Variants in NT5DC1 observed in about 807,000 individuals in gnomAD.
The protein encoded by NT5DC1 is 5'-nucleotidase domain-containing protein 1.
NT5DC1 carries 42 observed loss-of-function variants against 59.4 expected under a neutral mutation model. The ratio of observed to expected loss-of-function variants is 0.71; its 90% CI spans 0.55 to 0.92. The LOEUF (loss-of-function observed/expected upper bound fraction) is 0.92. Ranked by LOEUF, NT5DC1 falls within the 40% of genes least tolerant of loss-of-function variation. The probability of loss-of-function intolerance (pLI) is 0.00; values close to 1 mark genes in which losing one functional copy is unlikely to be tolerated. For synonymous variants in NT5DC1, 172 were observed against 188.1 expected (o/e 0.91, Z 0.70); for missense variants, 501 against 537.1 (o/e 0.93, Z 0.66).
At chr6:116,220,049 C>T (rs1204794) in intron 6 of NT5DC1, among the ~76,000 whole-genome samples, 47,282 of 146,648 alleles carry the variant, frequency 0.32, 9,270 homozygotes, top group African/African-American at 0.55. Flanking sequence ...AAGTGTTTCA[C>T]ACTGGAGAGA....
intron 6 of NT5DC1, among the ~76,000 whole-genome samples, chr6:116,131,399 T>G (rs1165443519): frequency 1.3e-5 from 2 of 152,210 alleles, no homozygotes; most frequent in Admixed American, 1.3e-4. Context: ...AAAAAATGTA[T>G]TATTCATTTA....
chr6:116,101,105 G>A, intron 1 of NT5DC1, 82 bp downstream of exon 1: 1 of 1,015,858 alleles, frequency 9.8e-7, no homozygotes, highest in South Asian at 1.5e-5. Flanking sequence ...TTTGGGCAAC[G>A]GCGGACGCTG....
At chr6:116,227,936 T>C (rs192350585) in intron 8 of NT5DC1, among the ~76,000 whole-genome samples, 1 of 152,360 alleles carries the variant, frequency 6.6e-6, no homozygotes, top group African/African-American at 2.4e-5. Flanking sequence ...CTGTTTTCTT[T>C]GTGGTTGCGT....
In NT5DC1 at chr6:116,247,186, A is replaced by T. The variant is rs968620907; in HGVS notation, c.*3162A>T. ...ATTCTCAGCCCAAAACCACACTTCAATTTAGCAATAATGTCGTGCTAGGAC... is the reference window on the plus strand; with the variant it reads ...ATTCTCAGCCCAAAACCACACTTCATTTTAGCAATAATGTCGTGCTAGGAC... On this transcript the variant is annotated 3_prime_UTR_variant, in exon 12 of 12. Transcript: ENST00000319550. The T allele has an allele frequency of 6.6e-6, 1 of 152,156 alleles. No individual in the cohort carries two copies. The highest frequency in any genetic ancestry group is 1.5e-5 in the Non-Finnish European group (1 of 67,998). 9.4% of individuals were successfully genotyped at this position (152,156 alleles called of 1,614,324 possible). A position where few individuals can be genotyped will look rare whatever the true frequency, so the allele number is the denominator to read the frequency against.
At chr6:116,126,314 C>A (rs1229393838) in intron 6 of NT5DC1, among the ~76,000 whole-genome samples, 2 of 152,036 alleles carry the variant, frequency 1.3e-5, no homozygotes, top group African/African-American at 2.4e-5. Flanking sequence ...TAAAAATAAA[C>A]CCATTGTCTT....
intron 8 of NT5DC1, among the ~76,000 whole-genome samples, chr6:116,229,812 G>T (rs1433065500): frequency 6.6e-6 from 1 of 151,846 alleles, no homozygotes; most frequent in Non-Finnish European, 1.5e-5. Context: ...TCTCTGTCTC[G>T]TCCCTTGGCC....
chr6:116,145,029 G>T (rs942529051), intron 6 of NT5DC1, among the ~76,000 whole-genome samples: 1 of 152,102 alleles, frequency 6.6e-6, no homozygotes, highest in Non-Finnish European at 1.5e-5. Context: ...GATTTGATTC[G>T]TACATCAGAT....
intron 6 of NT5DC1, among the ~76,000 whole-genome samples, chr6:116,143,665 T>C (rs538320505): frequency 6.6e-6 from 1 of 152,328 alleles, no homozygotes; most frequent in South Asian, 2.1e-4. Flanking sequence ...TAATTTAATA[T>C]TTTGTTGCAT....
intron 6 of NT5DC1, among the ~76,000 whole-genome samples, chr6:116,217,641 G>A (rs1008825192): frequency 6.6e-5 from 10 of 151,962 alleles, no homozygotes; most frequent in Non-Finnish European, 1.3e-4. Flanking sequence ...TATCACTTCA[G>A]TTTGGCTATA....
At chr6:116,148,252 A>G (rs56238603) in intron 6 of NT5DC1, among the ~76,000 whole-genome samples, 21,678 of 152,158 alleles carry the variant, frequency 0.14, 2,124 homozygotes, top group East Asian at 0.43. Context: ...TTTTCATTGT[A>G]TGCCAGCCTT....
At chr6:116,175,111 CAATAA>C (rs777370053) in intron 6 of NT5DC1, among the ~76,000 whole-genome samples, 1 of 151,996 alleles carries the variant, frequency 6.6e-6, no homozygotes, top group Non-Finnish European at 1.5e-5. Context: ...AATTTATATA[CAATAA>C]AATATGTATA....
At chr6:116,154,292 T>C (rs1009252007) in intron 6 of NT5DC1, among the ~76,000 whole-genome samples, 4 of 152,194 alleles carry the variant, frequency 2.6e-5, no homozygotes, top group South Asian at 4.1e-4. Flanking sequence ...GGAGTAGGTT[T>C]CGTCTAGCTT....
intron 6 of NT5DC1, among the ~76,000 whole-genome samples, chr6:116,191,886 C>A (rs961556313): frequency 6.6e-6 from 1 of 151,990 alleles, no homozygotes; most frequent in Non-Finnish European, 1.5e-5. Flanking sequence ...GAACAGGAGG[C>A]ATTATCAGTG....
At chr6:116,165,313 T>C (rs1780437594) in intron 6 of NT5DC1, among the ~76,000 whole-genome samples, 1 of 152,196 alleles carries the variant, frequency 6.6e-6, no homozygotes, top group Admixed American at 6.5e-5. Context: ...CTATATACCT[T>C]GGTGATGTTC....
At chr6:116,226,228 ATAAG>A (rs1407993874) in intron 8 of NT5DC1, among the ~76,000 whole-genome samples, 2 of 152,194 alleles carry the variant, frequency 1.3e-5, no homozygotes, top group African/African-American at 2.4e-5. Context: ...ATTTAAATAT[ATAAG>A]TAAGTACCCA....
intron 11 of NT5DC1, among the ~76,000 whole-genome samples, chr6:116,239,942 A>G (rs1418284381): frequency 6.6e-6 from 1 of 152,244 alleles, no homozygotes; most frequent in Non-Finnish European, 1.5e-5. Flanking sequence ...ACTGTGGTAT[A>G]AAAAGAATGG....
chr6:116,152,820 C>T (rs1285092961), intron 6 of NT5DC1, among the ~76,000 whole-genome samples: 1 of 152,062 alleles, frequency 6.6e-6, no homozygotes, highest in East Asian at 1.9e-4. Flanking sequence ...CCAGAAACTC[C>T]AAATTGCTAA....
At chr6:116,226,221 T>G in intron 8 of NT5DC1, among the ~76,000 whole-genome samples, 1 of 152,188 alleles carries the variant, frequency 6.6e-6, no homozygotes, top group East Asian at 1.9e-4. Context: ...AACTTACATT[T>G]AAATATATAA....
At chr6:116,125,718 A>G (rs1779281912) in intron 6 of NT5DC1, 1 of 389,942 alleles carries the variant, frequency 2.6e-6, no homozygotes, top group Non-Finnish European at 4.7e-6. Flanking sequence ...CAGGTAATCA[A>G]GTGAAAATAA....
Sources: gnomAD v4.1 joint callset for allele counts (sites outside exome capture counted in the v4.1 genomes callset) on GRCh38, gnomAD v4.1.1 for gene constraint, MANE v1.5 for transcripts, NCBI Gene and HGNC (gene_info 2026-07-23, HGNC 2026-07-21) for gene names.